Variants in NEGR1 observed in about 807,000 individuals in gnomAD.
NEGR1 encodes the protein IgLON family member 4.
A neutral mutation model predicts 40.9 loss-of-function variants in NEGR1; 10 were observed. The observed-to-expected ratio is 0.24, with a 90% CI of 0.15 to 0.42. The LOEUF (loss-of-function observed/expected upper bound fraction) is 0.42. Among genes scored for constraint, NEGR1 ranks in the 10% least tolerant of loss-of-function variants. NEGR1 has a pLI of 1.00. For missense variants in NEGR1, 352 were observed against 438.9 expected, an observed-to-expected ratio of 0.80 and a Z score of 1.77; for synonymous variants, 185 against 166.8, an observed-to-expected ratio of 1.11 and a Z score of -0.84.
At chr1:71,843,786 T>C (rs1311239161) in intron 2 of NEGR1, among the ~76,000 whole-genome samples, 1 of 152,196 alleles carries the variant, frequency 6.6e-6, no homozygotes, top group Non-Finnish European at 1.5e-5. Flanking sequence ...TTATACCTCA[T>C]TGTTTTTCTA....
chr1:71,421,812 C>T (rs1646396746), intron 6 of NEGR1, among the ~76,000 whole-genome samples: 1 of 151,862 alleles, frequency 6.6e-6, no homozygotes, highest in Non-Finnish European at 1.5e-5. Flanking sequence ...CATAATTGCA[C>T]TTGGGTGTAA....
intron 1 of NEGR1, among the ~76,000 whole-genome samples, chr1:72,181,625 A>G (rs1652375061): frequency 6.6e-6 from 1 of 152,118 alleles, no homozygotes; most frequent in Admixed American, 6.6e-5. Flanking sequence ...CTGCATTAAC[A>G]TGTTCATTCC....
At chr1:71,452,727 A>G (rs1049506886) in intron 6 of NEGR1, among the ~76,000 whole-genome samples, 2 of 152,144 alleles carry the variant, frequency 1.3e-5, no homozygotes, top group African/African-American at 4.8e-5. Context: ...GTAGTTATTA[A>G]TGAAGAAAAA....
chr1:72,050,776 C>G (rs967742579), intron 1 of NEGR1, among the ~76,000 whole-genome samples: 2 of 151,350 alleles, frequency 1.3e-5, no homozygotes, highest in African/African-American at 4.8e-5. Flanking sequence ...TGAGGTTAGG[C>G]CATAAAGACA....
At chr1:72,100,125 CTGAT>C (rs1203209682) in intron 1 of NEGR1, among the ~76,000 whole-genome samples, 1 of 152,082 alleles carries the variant, frequency 6.6e-6, no homozygotes, top group Non-Finnish European at 1.5e-5. Flanking sequence ...TAAATTCTGT[CTGAT>C]TGATTTTCTG....
intron 1 of NEGR1, among the ~76,000 whole-genome samples, chr1:72,082,213 G>A (rs1342335439): frequency 6.6e-6 from 1 of 152,084 alleles, no homozygotes; most frequent in African/African-American, 2.4e-5. Context: ...AAGCATGGAG[G>A]GTGGCAGGTG....
At chr1:71,636,126 G>T (rs1238466918) in intron 4 of NEGR1, among the ~76,000 whole-genome samples, 1 of 152,022 alleles carries the variant, frequency 6.6e-6, no homozygotes, top group African/African-American at 2.4e-5. Context: ...GAGTGGTATT[G>T]TTAGGGTAGA....
At chr1:72,100,238 C>A (rs1010655131) in intron 1 of NEGR1, among the ~76,000 whole-genome samples, 3 of 152,042 alleles carry the variant, frequency 2.0e-5, no homozygotes, top group African/African-American at 7.2e-5. Context: ...TTAAAACGTC[C>A]CCATGGAAAG....
intron 6 of NEGR1, among the ~76,000 whole-genome samples, chr1:71,534,954 G>T (rs956706412): frequency 4.0e-5 from 6 of 151,480 alleles, no homozygotes; most frequent in African/African-American, 1.4e-4. Flanking sequence ...CTGTCCTTTT[G>T]GTGGGCTAGC....
chr1:71,474,529 C>CAG (rs1646806143), intron 6 of NEGR1, among the ~76,000 whole-genome samples: 1 of 145,398 alleles, frequency 6.9e-6, no homozygotes, highest in African/African-American at 2.7e-5. Context: ...CACACACACA[C>CAG]ACACACACAC....
At chr1:72,218,604 T>C (rs1653903510) in intron 1 of NEGR1, among the ~76,000 whole-genome samples, 1 of 151,974 alleles carries the variant, frequency 6.6e-6, no homozygotes, top group Non-Finnish European at 1.5e-5. Context: ...TTTCTTGAGT[T>C]ATAGGGAGTT....
At chr1:72,184,776 CT>C (rs1274743990) in intron 1 of NEGR1, among the ~76,000 whole-genome samples, 1 of 152,002 alleles carries the variant, frequency 6.6e-6, no homozygotes, top group Non-Finnish European at 1.5e-5. Flanking sequence ...TGCTGAATTA[CT>C]TATTAGTTTG....
chr1:71,399,148 C>T lies in NEGR1; in HGVS notation c.*8298G>A, dbSNP rs982115827. 6.6e-6 allele frequency: 1 copy of T among 151,932 alleles called. No homozygotes were observed. Among genetic ancestry groups the T allele is most frequent in the African/African-American group, 2.4e-5 (1 of 41,370 alleles). The allele number at this position is 151,932 out of a possible 1,614,324, so 9.4% of individuals were successfully genotyped here. A position where few individuals can be genotyped will look rare whatever the true frequency, so the allele number is the denominator to read the frequency against. On this transcript the variant is annotated 3_prime_UTR_variant, in exon 7 of 7. Transcript: ENST00000357731. ...AGATATCTAATTGTCTATTATAAAA[C>T]CATAAAAGCTTTGTTAATACATTTT... is the stretch of plus-strand genomic sequence containing the variant.
chr1:71,937,251 C>A (rs2100235826), intron 1 of NEGR1, among the ~76,000 whole-genome samples: 1 of 152,196 alleles, frequency 6.6e-6, no homozygotes, highest in Non-Finnish European at 1.5e-5. Flanking sequence ...AAATAAAACC[C>A]CTTTAATGAT....
intron 1 of NEGR1, among the ~76,000 whole-genome samples, chr1:72,043,011 G>A (rs1048698280): frequency 2.0e-5 from 3 of 151,866 alleles, no homozygotes; most frequent in Admixed American, 6.6e-5. Flanking sequence ...TGCATGCATT[G>A]CATTTGTCTT....
At chr1:72,196,871 T>C (rs1191339200) in intron 1 of NEGR1, among the ~76,000 whole-genome samples, 1 of 152,026 alleles carries the variant, frequency 6.6e-6, no homozygotes, top group Non-Finnish European at 1.5e-5. Context: ...AAAAGTCATT[T>C]TAATAATTGA....
chr1:71,809,625 T>C (rs1023057306), intron 2 of NEGR1, among the ~76,000 whole-genome samples: 2 of 152,108 alleles, frequency 1.3e-5, no homozygotes, highest in African/African-American at 4.8e-5. Flanking sequence ...TGAATAAAAG[T>C]AAACAATTAA....
rs879332956 is a variant in NEGR1, at chr1:71,496,098, T to TTTTTCCTA, written c.941-88536_941-88529dup. On this transcript the variant is annotated intron_variant, in intron 6 of 6. Coordinates refer to ENST00000357731, the MANE Select transcript of NEGR1 (RefSeq NM_173808.3). Reference sequence around the variant, plus strand: ...CTGGTAGTTTTCTTTTTAATTATATTTTTTCCTATTTCTTTTTTCATGAAA... The same window carrying TTTTTCCTA: ...CTGGTAGTTTTCTTTTTAATTATATTTTTTCCTATTTTCCTATTTCTTTTTTCATGAAA... Among the ~76,000 whole-genome samples the TTTTTCCTA allele has an allele frequency of 9.8e-5, 15 of 152,316 alleles. 1 individual carries two copies. The highest frequency in any genetic ancestry group is 7.8e-4 in the Admixed American group (12 of 15,294).
chr1:72,011,057 T>C (rs1646653002), intron 1 of NEGR1, among the ~76,000 whole-genome samples: 1 of 152,118 alleles, frequency 6.6e-6, no homozygotes, highest in Admixed American at 6.6e-5. Flanking sequence ...ATTTAGTACA[T>C]ATTAAAAACT....
Sources: gnomAD v4.1 joint callset for allele counts (sites outside exome capture counted in the v4.1 genomes callset) on GRCh38, gnomAD v4.1.1 for gene constraint, MANE v1.5 for transcripts, NCBI Gene and HGNC (gene_info 2026-07-23, HGNC 2026-07-21) for gene names.